TRRAP: variants seen among roughly 807,000 people sequenced by gnomAD.
The protein encoded by TRRAP is transformation/transcription domain associated protein.
In TRRAP, 41 loss-of-function variants were observed where a neutral mutation model predicts 438.8. The observed-to-expected ratio is 0.09, with a 90% CI of 0.07 to 0.12. The LOEUF is 0.12. Ranked by LOEUF, TRRAP falls within the 10% of genes least tolerant of loss-of-function variation. The pLI, the probability that TRRAP is intolerant of heterozygous loss-of-function variation, is 1.00. For missense variants in TRRAP, 3,122 were observed against 5,055.1 expected, an observed-to-expected ratio of 0.62 and a Z score of 11.60; for synonymous variants, 1,994 against 1,962.9, an observed-to-expected ratio of 1.02 and a Z score of -0.42.
chr7:98,969,101 G>T (rs562395285), intron 51 of TRRAP, among the ~76,000 whole-genome samples: 17 of 152,310 alleles, frequency 1.1e-4, no homozygotes, highest in Non-Finnish European at 2.1e-4. Context: ...TAGGACGATG[G>T]AACCATTTCC....
chr7:98,971,580 G>C (rs1319394545), intron 52 of TRRAP, among the ~76,000 whole-genome samples: 1 of 152,140 alleles, frequency 6.6e-6, no homozygotes, highest in Non-Finnish European at 1.5e-5. Flanking sequence ...AAGCACACTG[G>C]TGGCTTCTTT....
At chr7:98,977,186 G>T in intron 56 of TRRAP, 110 bp downstream of exon 56, 1 of 1,487,318 alleles carries the variant, frequency 6.7e-7, no homozygotes, top group Non-Finnish European at 9.1e-7. Context: ...TTTTGAGATG[G>T]AGTCTTGCTC....
chr7:98,949,610 C>A (rs1791239438), intron 36 of TRRAP, 29 bp downstream of exon 36: 2 of 1,589,808 alleles, frequency 1.3e-6, no homozygotes, highest in Non-Finnish European at 1.7e-6. Flanking sequence ...GCCCCCAATG[C>A]CCAGGGGTTT....
Position 98,931,560 on chromosome 7 carries a change from C to T in TRRAP, c.3747C>T (p.Val1249=), listed in dbSNP as rs1554412915. 6.2e-7 allele frequency: 1 copy of T among 1,614,088 alleles called. No individual in the cohort carries two copies. The highest frequency in any genetic ancestry group is 1.1e-5 in the South Asian group (1 of 91,080). ...TGACACACGACTTGGTTCGAGAAGTCACCTCTCCAAACTCCACTGTGAGGA... is the reference window on the plus strand; with the variant it reads ...TGACACACGACTTGGTTCGAGAAGTTACCTCTCCAAACTCCACTGTGAGGA... The part of the protein sequence containing the change: ...HHVTHDLVRE[V]TSPNSTVRKQ... The change falls in exon 26 of 73, where the codon GTC becomes GTT. Residue 1249 remains valine (V), a synonymous_variant. Coordinates refer to ENST00000456197, the MANE Select transcript of TRRAP (RefSeq NM_001375524.1).
Position 98,965,784 on chromosome 7 carries a change from G to A in TRRAP, c.7065G>A (p.Gln2355=), listed in dbSNP as rs1356293100. 4 of 1,614,002 alleles carry A rather than the reference G, an allele frequency of 2.5e-6. No individual in the cohort carries two copies. Among genetic ancestry groups the A allele is most frequent in the Non-Finnish European group, 3.4e-6 (4 of 1,180,038 alleles). ...TGGAGATGCGGAAGAACTTCATCCA[G>A]GCCATCCTGACATCCCTCATCGAAA... ...MSMEMRKNFI[Q]AILTSLIEKS... The change falls in exon 49 of 73, where the codon CAG becomes CAA. Residue 2355 remains glutamine, a synonymous_variant. Transcript: ENST00000456197.
In TRRAP at chr7:98,904,209, T is replaced by C. The variant is rs62472013; in HGVS notation, c.1036+692T>C. On this transcript the variant is annotated intron_variant, in intron 12 of 72. Coordinates refer to ENST00000456197, the MANE Select transcript of TRRAP (RefSeq NM_001375524.1). ...AGATCTGCTGACAGATTCAGCTGGG[T>C]GTGGTGGCTCACGTCTGTAATCCCA... 3.4e-3 allele frequency among the ~76,000 whole-genome samples: 509 copies of C among 151,604 alleles called. 1 individual carries two copies. The highest frequency in any genetic ancestry group is 6.2e-3 in the Non-Finnish European group (418 of 67,838).
Position 99,012,011 on chromosome 7 carries a change from G to A in TRRAP, c.11338-60G>A, listed in dbSNP as rs1253084544. On this transcript the variant is annotated intron_variant, in intron 72 of 72. Transcript: ENST00000456197. The surrounding 1 kb of genome is among the most constrained non-coding windows in gnomAD (Gnocchi z 5.9). ...TGGTTGAGTCCCACCTTGTTAGGAA[G>A]CTGCCCCTGTGGGCTGTTCTTGGTT... The A allele has an allele frequency of 5.7e-6, 9 of 1,574,252 alleles. No individual in the cohort carries two copies. The highest frequency in any genetic ancestry group is 7.8e-6 in the Non-Finnish European group (9 of 1,157,204).
chr7:98,904,990 T>C (rs1796657611), intron 12 of TRRAP, among the ~76,000 whole-genome samples: 1 of 152,208 alleles, frequency 6.6e-6, no homozygotes, highest in Non-Finnish European at 1.5e-5. Context: ...TGAGAAAACC[T>C]GCCATTTTAA....
intron 20 of TRRAP, among the ~76,000 whole-genome samples, chr7:98,921,385 T>G (rs560232766): frequency 2.3e-4 from 35 of 151,580 alleles, no homozygotes; most frequent in African/African-American, 7.3e-4. Context: ...ACTTTGAGGG[T>G]TTTTTTTGAC....
intron 23 of TRRAP, among the ~76,000 whole-genome samples, chr7:98,928,908 G>A (rs1379751398): frequency 6.6e-6 from 1 of 151,498 alleles, no homozygotes; most frequent in Non-Finnish European, 1.5e-5. Context: ...TGAGTAGCTG[G>A]GACTACAGGC....
At chr7:98,892,663 C>A in intron 5 of TRRAP, 135 bp downstream of exon 5, 1 of 664,558 alleles carries the variant, frequency 1.5e-6, no homozygotes, top group Non-Finnish European at 2.5e-6. Flanking sequence ...AAAAATTTTT[C>A]TTAATGTCCC....
chr7:98,948,409 C>A lies in TRRAP; in HGVS notation c.4668+69C>A, dbSNP rs1174958328. ...GGTGCTTATAGCGTCCTCACTTGAT[C>A]GTATTTTCAATGGACGGAACAGCAT... On this transcript the variant is annotated intron_variant, in intron 34 of 72. Transcript: ENST00000456197. This position sits in a 1 kb window ranked among gnomAD's most constrained non-coding sequence, Gnocchi z 4.9. The A allele has an allele frequency of 1.2e-6, 2 of 1,610,710 alleles. No homozygotes were observed. Among genetic ancestry groups the A allele is most frequent in the Non-Finnish European group, 8.5e-7 (1 of 1,178,130 alleles).
chr7:98,914,718 CAAAAAAA>C (rs71118646), intron 18 of TRRAP, among the ~76,000 whole-genome samples: 42 of 41,290 alleles, frequency 1.0e-3, no homozygotes, highest in Admixed American at 4.5e-3. Context: ...GACCCTGTCT[CAAAAAAA>C]AAAAAAAAAA....
chr7:98,894,534 A>G (rs1796108600), intron 6 of TRRAP, among the ~76,000 whole-genome samples: 1 of 152,168 alleles, frequency 6.6e-6, no homozygotes, highest in Admixed American at 6.5e-5. Context: ...AATTAAAAGC[A>G]TAAAGATGAA....
At position 98,927,360 on chromosome 7, in the gene TRRAP, C is replaced by G. The variant is rs1790095867; in HGVS notation, c.3169C>G (p.Gln1057Glu). Residue 1057 changes from glutamine (Q) to glutamate (E), a missense_variant, in exon 23 of 73, where the codon CAG becomes GAG. By Grantham distance (29) the Gln-to-Glu change is conservative. Around this residue, in one of 24 missense-constraint regions of TRRAP, gnomAD observed 54 missense variants for 74.6 expected, o/e 0.72. Coordinates refer to ENST00000456197, the MANE Select transcript of TRRAP (RefSeq NM_001375524.1). ...CTATACGATGGTGGCAGTCGCCCAG[C>G]AGTGTGGTGAGCACGGGGGCACGGT... ...RHYTMVAVAQQCGPFLLPCYQ... is the reference protein window; with the variant it reads ...RHYTMVAVAQECGPFLLPCYQ... 1.9e-6 allele frequency: 3 copies of G among 1,614,176 alleles called. No homozygotes were observed. Among genetic ancestry groups the G allele is most frequent in the Non-Finnish European group, 1.7e-6 (2 of 1,180,046 alleles).
At chr7:98,972,236 T>A (rs900050503) in intron 53 of TRRAP, among the ~76,000 whole-genome samples, 1 of 152,118 alleles carries the variant, frequency 6.6e-6, no homozygotes, top group Non-Finnish European at 1.5e-5. Context: ...AGATACAGGG[T>A]CTTGATATGT....
At chr7:98,912,640 C>CT in intron 18 of TRRAP, among the ~76,000 whole-genome samples, 1 of 151,976 alleles carries the variant, frequency 6.6e-6, no homozygotes, top group Non-Finnish European at 1.5e-5. Context: ...AACCTATTTT[C>CT]TTTTTTTGGA....
In TRRAP at chr7:98,977,000, G is replaced by T; in HGVS notation, c.8309G>T (p.Gly2770Val). The T allele has an allele frequency of 6.2e-7, 1 of 1,614,224 alleles. No individual in the cohort carries two copies. The highest frequency in any genetic ancestry group is 1.1e-5 in the South Asian group (1 of 91,080). ...SLLQEEDMWA[G>V]LWQKRCKYSE... Reference sequence around the variant, plus strand: ...TTACAAGAGGAAGATATGTGGGCTGGTCTGTGGCAGAAGCGGTGCAAGTAC... The same window carrying T: ...TTACAAGAGGAAGATATGTGGGCTGTTCTGTGGCAGAAGCGGTGCAAGTAC... Residue 2770 changes from glycine (G) to valine (V), a missense_variant, in exon 56 of 73, where the codon GGT becomes GTT. By Grantham distance (109) the Gly-to-Val change is moderately radical. Around this residue, in one of 24 missense-constraint regions of TRRAP, gnomAD observed 992 missense variants for 1,281.2 expected, o/e 0.77. Coordinates refer to ENST00000456197, the MANE Select transcript of TRRAP (RefSeq NM_001375524.1). The surrounding 1 kb of genome is among the most constrained non-coding windows in gnomAD (Gnocchi z 4.6).
chr7:98,895,826 T>C lies in TRRAP; in HGVS notation c.507+6T>C. On this transcript the variant is annotated splice_donor_region_variant and intron_variant, in intron 7 of 72. Transcript: ENST00000456197. ...AGGAGCTTCCAAAAGTAGTGGTATG[T>C]TTTTACTTTGGTTTTAATTAGTTAC... The C allele has an allele frequency of 2.5e-6, 4 of 1,599,258 alleles. No homozygotes were observed. The highest frequency in any genetic ancestry group is 3.4e-6 in the Non-Finnish European group (4 of 1,173,110).
Sources: allele counts gnomAD v4.1 joint callset (sites outside exome capture counted in the v4.1 genomes callset), GRCh38; gene constraint gnomAD v4.1.1; regional missense constraint gnomAD v4.1.1; non-coding constraint Gnocchi (gnomAD v3.1); transcripts MANE v1.5; gene names NCBI Gene and HGNC (gene_info 2026-07-23, HGNC 2026-07-21).